The following SEPTIN10 variants were observed in gnomAD, a reference collection of about 807,000 sequenced individuals.
SEPTIN10 encodes the protein septin-10.
A neutral mutation model predicts 54.8 loss-of-function variants in SEPTIN10; 66 were observed. That is an observed-to-expected ratio of 1.21 (90% CI 0.99 to 1.48). The LOEUF (loss-of-function observed/expected upper bound fraction) is 1.48, where lower values mean the gene tolerates loss of function less well. Ranked by LOEUF, SEPTIN10 falls within the 40% of genes most tolerant of loss-of-function variation. The pLI is 0.00. For synonymous variants in SEPTIN10, 161 were observed against 181.0 expected (o/e 0.89, Z 0.89); for missense variants, 620 against 545.6 (o/e 1.14, Z -1.36).
intron 1 of SEPTIN10, among the ~76,000 whole-genome samples, chr2:109,609,102 A>G (rs1443614087): frequency 6.6e-6 from 1 of 152,216 alleles, no homozygotes; most frequent in Non-Finnish European, 1.5e-5. Context: ...TATAATGAAA[A>G]TCGGTCTGGG....
At chr2:109,602,979 G>C (rs1014429640) in intron 1 of SEPTIN10, among the ~76,000 whole-genome samples, 4 of 151,700 alleles carry the variant, frequency 2.6e-5, no homozygotes, top group African/African-American at 9.7e-5. Context: ...ACTGAGGCAG[G>C]AGGATCATCT....
At chr2:109,562,087 C>T (rs976051457) in intron 8 of SEPTIN10, among the ~76,000 whole-genome samples, 15 of 151,806 alleles carry the variant, frequency 9.9e-5, no homozygotes, top group Non-Finnish European at 2.1e-4. Context: ...GTGGTGCATG[C>T]CTATAGTCCC....
chr2:109,552,429 T>C (rs1335709855), intron 9 of SEPTIN10: 1 of 152,270 alleles, frequency 6.6e-6, no homozygotes, highest in Non-Finnish European at 1.5e-5. Context: ...ATGGTTAAGA[T>C]ACTTCTTAGT....
chr2:109,602,680 TAA>T (rs1180569816), intron 1 of SEPTIN10, among the ~76,000 whole-genome samples: 81 of 94,932 alleles, frequency 8.5e-4, no homozygotes, highest in Admixed American at 1.5e-3. Flanking sequence ...CATCTCAAAT[TAA>T]AAAAAAAAAA....
chr2:109,595,837 T>C (rs1695183086), intron 1 of SEPTIN10, among the ~76,000 whole-genome samples: 1 of 152,214 alleles, frequency 6.6e-6, no homozygotes, highest in African/African-American at 2.4e-5. Context: ...AATATCTGGC[T>C]AGGGGCCCTG....
intron 1 of SEPTIN10, chr2:109,604,819 G>A (rs1697568736): frequency 6.6e-6 from 1 of 152,234 alleles, no homozygotes; most frequent in Non-Finnish European, 1.5e-5. Context: ...CATCACTGAA[G>A]CCCAAGGAGG....
At chr2:109,609,701 T>C (rs1464754080) in intron 1 of SEPTIN10, among the ~76,000 whole-genome samples, 1 of 149,856 alleles carries the variant, frequency 6.7e-6, no homozygotes, top group African/African-American at 2.5e-5. Context: ...GCCTCTTAGA[T>C]ACGAAAATTA....
rs578042655 is a variant in SEPTIN10 at position 109,584,840 on chromosome 2, T to A, written c.413+286A>T. On this transcript the variant is annotated intron_variant, in intron 4 of 10. Transcript: ENST00000397712. The stretch of plus-strand genomic sequence containing the variant: ...CCTGCCTGAAAATTAGTATAATTAA[T>A]ATACACTGAATTTGCATGTCAGGAA... 6.2e-3 allele frequency among the ~76,000 whole-genome samples: 944 copies of A among 152,326 alleles called. 9 individuals are homozygous for A. The highest frequency in any genetic ancestry group is 0.011 in the Non-Finnish European group (741 of 68,022).
rs57973607 is a variant in SEPTIN10 at position 109,574,908 on chromosome 2, T to TA, written c.414-142dup. On this transcript the variant is annotated intron_variant, in intron 4 of 10. Coordinates refer to ENST00000397712, the MANE Select transcript of SEPTIN10 (RefSeq NM_144710.5). ...ATGCTGAACAGATTAACTTTAGTGATAAAAAAATGTGCAGAACATGCGCAA... is the reference window on the plus strand; with the variant it reads ...ATGCTGAACAGATTAACTTTAGTGATAAAAAAAATGTGCAGAACATGCGCAA... The TA allele has an allele frequency of 7.0e-3, 3,492 of 497,092 alleles. 93 individuals carry two copies. The highest frequency in any genetic ancestry group is 0.06 in the African/African-American group (3,012 of 50,248). The allele number at this position is 497,092 out of a possible 1,614,324, so 30.8% of individuals were successfully genotyped here.
chr2:109,585,773 C>A lies in SEPTIN10; in HGVS notation c.165G>T (p.Gln55His). The A allele has an allele frequency of 6.2e-7, 1 of 1,613,898 alleles. No homozygotes were observed. Residue 55 changes from glutamine (Q) to histidine (H), a missense_variant, in exon 3 of 11, where the codon CAG becomes CAT. Physicochemically the swap from Gln to His is conservative, Grantham distance 24. Coordinates refer to ENST00000397712, the MANE Select transcript of SEPTIN10 (RefSeq NM_144710.5). ...CTTGCTGAATGGATCTGTTCACCAG[C>A]TGATCAGGCAAACTCTCAAAACCAA... ...GHVGFESLPD[Q>H]LVNRSIQQGF... is the part of the protein sequence containing the mutation.
At chr2:109,565,423 TATAAATTTA>T (rs1037829645) in intron 7 of SEPTIN10, among the ~76,000 whole-genome samples, 216 of 152,318 alleles carry the variant, frequency 1.4e-3, no homozygotes, top group African/African-American at 4.6e-3. Flanking sequence ...AGTAAAAATA[TATAAATTTA>T]TAAGATGGTT....
At chr2:109,603,042 G>A (rs980715301) in intron 1 of SEPTIN10, among the ~76,000 whole-genome samples, 3 of 151,858 alleles carry the variant, frequency 2.0e-5, no homozygotes, top group Non-Finnish European at 2.9e-5. Flanking sequence ...CTGTACTCCA[G>A]CCTGGGCAAC....
intron 1 of SEPTIN10, among the ~76,000 whole-genome samples, chr2:109,599,135 G>A (rs919467724): frequency 5.9e-5 from 9 of 152,140 alleles, no homozygotes; most frequent in African/African-American, 1.9e-4. Context: ...TGCTAGAAGT[G>A]GATGCTTATT....
rs1011377843 is a variant in SEPTIN10, at chr2:109,565,838, C to A, written c.784G>T (p.Val262Leu). The A allele has an allele frequency of 4.3e-6, 7 of 1,613,974 alleles. No individual in the cohort carries two copies. In the African/African-American group the frequency reaches 8.0e-5, roughly 18 times the overall value. Residue 262 changes from valine to leucine, a missense_variant, in exon 7 of 11, where the codon GTG (valine) becomes TTG (leucine). Physicochemically the swap from Val to Leu is conservative, Grantham distance 32. Transcript: ENST00000397712. ...ACTTTTACCTCATCCATACTTCCCA[C>A]AACAGCAAACGGCAACTGTCCCTGA... ...AMNGQLPFAVVGSMDEVKVGN... is the reference protein window; with the variant it reads ...AMNGQLPFAVLGSMDEVKVGN...
intron 5 of SEPTIN10, among the ~76,000 whole-genome samples, chr2:109,570,300 G>A (rs1188662488): frequency 1.3e-5 from 2 of 151,948 alleles, no homozygotes; most frequent in Non-Finnish European, 2.9e-5. Context: ...ATTTCATTTT[G>A]GTTTGAATGA....
intron 4 of SEPTIN10, among the ~76,000 whole-genome samples, chr2:109,578,739 C>T (rs1690375199): frequency 6.6e-6 from 1 of 151,840 alleles, no homozygotes; most frequent in Non-Finnish European, 1.5e-5. Context: ...TGCACTCTAG[C>T]CTGGCCAACA....
Position 109,588,945 on chromosome 2 carries a change from G to A in SEPTIN10, c.100-3107C>T, listed in dbSNP as rs1466952341. 3.3e-5 allele frequency among the ~76,000 whole-genome samples: 5 copies of A among 150,462 alleles called. No homozygotes were observed. The East Asian group carries it at 9.8e-4, about 29-fold the overall frequency. On this transcript the variant is annotated intron_variant, in intron 2 of 10. Transcript: ENST00000397712. ...AAAATTCTCTATTAATCCAAAAGAAGGTAGGAAAGAAGAAAATGAAAGGAC... is the reference window on the plus strand; with the variant it reads ...AAAATTCTCTATTAATCCAAAAGAAAGTAGGAAAGAAGAAAATGAAAGGAC...
At position 109,611,084 on chromosome 2, in the gene SEPTIN10, T is replaced by C. The variant is rs541825580; in HGVS notation, c.30+2714A>G. On this transcript the variant is annotated intron_variant, in intron 1 of 10. Transcript: ENST00000397712. ...CAAAAGTGCATCAACAACTCAATAA[T>C]GGAAAGGGAGCCTATTCAACAAATG... 3.9e-5 allele frequency among the ~76,000 whole-genome samples: 6 copies of C among 152,286 alleles called. 1 individual carries two copies. The highest frequency in any genetic ancestry group is 1.4e-4 in the African/African-American group (6 of 41,574).
Position 109,564,517 on chromosome 2 carries a change from A to G in SEPTIN10, c.877T>C (p.Cys293Arg), listed in dbSNP as rs1312183496. ...ATTTCCCGCAGCTTTACAAAGTCAC[A>G]GTGGTTTTCATTTTCCACTAGCCAA... ...GVVQVENENH[C>R]DFVKLREMLI... is the part of the protein sequence containing the mutation. Residue 293 changes from cysteine to arginine, a missense_variant, in exon 8 of 11, where the codon TGT (cysteine) becomes CGT (arginine). Coordinates refer to ENST00000397712, the MANE Select transcript of SEPTIN10 (RefSeq NM_144710.5). 2 of 1,523,612 alleles carry G rather than the reference A, an allele frequency of 1.3e-6. No homozygotes were observed. The highest frequency in any genetic ancestry group is 4.6e-5 in the East Asian group (2 of 43,058). 94.4% of individuals were successfully genotyped at this position (1,523,612 alleles called of 1,614,324 possible).
Sources: gnomAD v4.1 joint callset for allele counts (sites outside exome capture counted in the v4.1 genomes callset) on GRCh38, gnomAD v4.1.1 for gene constraint, MANE v1.5 for transcripts, NCBI Gene and HGNC (gene_info 2026-07-23, HGNC 2026-07-21) for gene names.